The following PRKG1 variants were observed in gnomAD, a reference collection of about 807,000 sequenced individuals.
The protein encoded by PRKG1 is protein kinase cGMP-dependent 1, also known as cGMP-dependent protein kinase 1.
PRKG1 carries 35 observed loss-of-function variants against 88.1 expected under a neutral mutation model. The ratio of observed to expected loss-of-function variants is 0.40; its 90% CI spans 0.30 to 0.53. The LOEUF is 0.53. Among genes scored for constraint, PRKG1 ranks in the 20% least tolerant of loss-of-function variants. PRKG1 has a pLI of 0.59. For missense variants in PRKG1, 540 were observed against 839.8 expected (o/e 0.64, Z 4.41); for synonymous variants, 303 against 292.5 (o/e 1.04, Z -0.37).
At chr10:51,590,657 CT>C (rs1282826347) in intron 3 of PRKG1, among the ~76,000 whole-genome samples, 1 of 152,148 alleles carries the variant, frequency 6.6e-6, no homozygotes, top group Non-Finnish European at 1.5e-5. Flanking sequence ...CACTCTAATA[CT>C]GCTCAGCCAT....
rs543009259 is a variant in PRKG1, at chr10:52,116,027, AAAG to A, written c.936-17811_936-17809del. On this transcript the variant is annotated intron_variant, in intron 7 of 17. Coordinates refer to ENST00000373980, the MANE Select transcript of PRKG1 (RefSeq NM_006258.4). ...CAGGAAGTATTTATAGACAGAAAAAAAAGAGGTGCCATGCAGAAATAACCTGAT... is the reference window on the plus strand; with the variant it reads ...CAGGAAGTATTTATAGACAGAAAAAAAGGTGCCATGCAGAAATAACCTGAT... Among the ~76,000 whole-genome samples, 16 of 152,258 alleles carry A rather than the reference AAAG, an allele frequency of 1.1e-4. No homozygotes were observed. In the South Asian group the frequency reaches 2.9e-3, roughly 28 times the overall value.
At chr10:52,033,799 T>C (rs544691080) in intron 5 of PRKG1, among the ~76,000 whole-genome samples, 59 of 152,204 alleles carry the variant, frequency 3.9e-4, no homozygotes, top group African/African-American at 1.3e-3. Flanking sequence ...AGGCTTTGTG[T>C]GAGCAACATG....
chr10:52,041,092 GC>G (rs1845745933), intron 5 of PRKG1, among the ~76,000 whole-genome samples: 1 of 151,836 alleles, frequency 6.6e-6, no homozygotes, highest in South Asian at 2.1e-4. Flanking sequence ...GCCCACCTCG[GC>G]CTCCCAAAAT....
intron 9 of PRKG1, among the ~76,000 whole-genome samples, chr10:52,210,971 A>G (rs972429686): frequency 6.6e-6 from 1 of 152,192 alleles, no homozygotes; most frequent in African/African-American, 2.4e-5. Flanking sequence ...CAAAACATTC[A>G]TCATATAAAA....
intron 3 of PRKG1, among the ~76,000 whole-genome samples, chr10:51,801,093 C>CA (rs1839162192): frequency 6.6e-6 from 1 of 152,134 alleles, no homozygotes; most frequent in South Asian, 2.1e-4. Flanking sequence ...AAGCTTACCC[C>CA]ATGGTAGCAT....
chr10:51,719,619 A>T lies in PRKG1; in HGVS notation c.593-84966A>T, dbSNP rs118184928. 5.9e-3 allele frequency among the ~76,000 whole-genome samples: 895 copies of T among 152,314 alleles called. 3 individuals carry two copies. The highest frequency in any genetic ancestry group is 0.011 in the Non-Finnish European group (732 of 68,028). On this transcript the variant is annotated intron_variant, in intron 3 of 17. Coordinates refer to ENST00000373980, the MANE Select transcript of PRKG1 (RefSeq NM_006258.4). ...GATTAAATCCTCAAACAGAAAAAGGATATTAGTGGAAAAACAGTGAAATCT... is the reference window on the plus strand; with the variant it reads ...GATTAAATCCTCAAACAGAAAAAGGTTATTAGTGGAAAAACAGTGAAATCT...
rs77913993 is a variant in PRKG1, at chr10:52,216,084, T to C, written c.1077-35486T>C. On this transcript the variant is annotated intron_variant, in intron 9 of 17. Transcript: ENST00000373980. ...TTACTTTCTCATAAATTTACTGAAG[T>C]AAGAAGAGAGCTAGCAGACTTGGGA... Among the ~76,000 whole-genome samples, 169 of 152,314 alleles carry C rather than the reference T, an allele frequency of 1.1e-3. 2 individuals carry two copies. The East Asian group carries it at 0.03, about 27-fold the overall frequency.
At chr10:51,606,456 C>T (rs1469203627) in intron 3 of PRKG1, among the ~76,000 whole-genome samples, 1 of 152,152 alleles carries the variant, frequency 6.6e-6, no homozygotes, top group Non-Finnish European at 1.5e-5. Flanking sequence ...TATTTCACTT[C>T]ATTTTATTCT....
intron 5 of PRKG1, chr10:51,908,734 A>ATATATATATATATATATATTT (rs563212069): frequency 9.6e-5 from 5 of 52,234 alleles, no homozygotes; most frequent in East Asian, 6.9e-4. Flanking sequence ...TCTATATGTA[A>ATATATATATATATATATATTT]TTTTTTTTTT....
chr10:52,107,627 ATG>A (rs994697349), intron 7 of PRKG1, among the ~76,000 whole-genome samples: 3 of 152,186 alleles, frequency 2.0e-5, no homozygotes, highest in African/African-American at 7.2e-5. Context: ...TCCTGTCTCA[ATG>A]CCCTAAATAG....
intron 10 of PRKG1, 84 bp downstream of exon 10, chr10:52,251,750 T>C: frequency 9.0e-7 from 1 of 1,106,932 alleles, no homozygotes; most frequent in African/African-American, 1.6e-5. Context: ...CTTTCTTTTC[T>C]CTTGTTTTGT....
intron 3 of PRKG1, among the ~76,000 whole-genome samples, chr10:51,757,758 T>C (rs995905815): frequency 6.6e-6 from 1 of 152,250 alleles, no homozygotes; most frequent in Non-Finnish European, 1.5e-5. Context: ...TAAAATGATA[T>C]GTTCTGGATA....
At chr10:52,007,907 A>G (rs914060167) in intron 5 of PRKG1, among the ~76,000 whole-genome samples, 3 of 152,154 alleles carry the variant, frequency 2.0e-5, no homozygotes, top group South Asian at 2.1e-4. Flanking sequence ...ATGTGGAAAA[A>G]CAAAAATCAC....
chr10:51,220,274 T>G (rs2132089283), intron 2 of PRKG1, among the ~76,000 whole-genome samples: 1 of 152,300 alleles, frequency 6.6e-6, no homozygotes, highest in East Asian at 1.9e-4. Flanking sequence ...AAGTGGATTA[T>G]TCATCAGAGA....
In PRKG1 at chr10:52,248,826, T is replaced by C. The variant is rs553117896; in HGVS notation, c.1077-2744T>C. On this transcript the variant is annotated intron_variant, in intron 9 of 17. Coordinates refer to ENST00000373980, the MANE Select transcript of PRKG1 (RefSeq NM_006258.4). Reference sequence around the variant, plus strand: ...TGTAGATATGCAAACATAAAGTAACTGCCTTATAACTTTTGCGCCCTGTAT... The same window carrying C: ...TGTAGATATGCAAACATAAAGTAACCGCCTTATAACTTTTGCGCCCTGTAT... 2.6e-5 allele frequency among the ~76,000 whole-genome samples: 4 copies of C among 152,188 alleles called. No individual in the cohort carries two copies. In the South Asian group the frequency reaches 8.3e-4, roughly 32 times the overall value.
chr10:52,273,344 A>G (rs539903487), intron 12 of PRKG1, among the ~76,000 whole-genome samples: 147 of 152,080 alleles, frequency 9.7e-4, no homozygotes, highest in Middle Eastern at 3.4e-3. Flanking sequence ...TCTTTTGAAC[A>G]CTCACATTTA....
At chr10:51,257,534 C>T (rs573630297) in intron 2 of PRKG1, among the ~76,000 whole-genome samples, 4 of 152,226 alleles carry the variant, frequency 2.6e-5, no homozygotes, top group South Asian at 2.1e-4. Context: ...CCAGGAACAG[C>T]GCTGGCTTTA....
rs536380584 is a variant in PRKG1 at position 51,672,620 on chromosome 10, G to A, written c.593-131965G>A. ...TTGATTTTTCTGACTCCTTCATGTG[G>A]GATCATATTTGATTGAATTTAATTT... is the stretch of plus-strand genomic sequence containing the variant. On this transcript the variant is annotated intron_variant, in intron 3 of 17. Coordinates refer to ENST00000373980, the MANE Select transcript of PRKG1 (RefSeq NM_006258.4). Among the ~76,000 whole-genome samples, 5 of 151,966 alleles carry A rather than the reference G, an allele frequency of 3.3e-5. No individual in the cohort carries two copies. The South Asian group carries it at 8.4e-4, about 25-fold the overall frequency.
At chr10:51,581,303 G>A (rs190151706) in intron 3 of PRKG1, among the ~76,000 whole-genome samples, 202 of 152,228 alleles carry the variant, frequency 1.3e-3, no homozygotes, top group Admixed American at 5.1e-3. Context: ...TTAATCAGCA[G>A]GAACAGTTGC....
Sources: allele counts gnomAD v4.1 joint callset (sites outside exome capture counted in the v4.1 genomes callset), GRCh38; gene constraint gnomAD v4.1.1; transcripts MANE v1.5; gene names NCBI Gene and HGNC (gene_info 2026-07-23, HGNC 2026-07-21).